Variants in AFF1 observed in about 807,000 individuals in gnomAD.
The protein encoded by AFF1 is AF4/FMR2 family member 1.
In AFF1, 48 loss-of-function variants were observed where a neutral mutation model predicts 121.7. That is an observed-to-expected ratio of 0.39 (90% CI 0.31 to 0.50). AFF1 has a LOEUF of 0.50. AFF1 is among the 20% of genes least tolerant of loss of function. The pLI is 0.76. For synonymous variants in AFF1, 613 were observed against 563.0 expected, an observed-to-expected ratio of 1.09 and a Z score of -1.26; for missense variants, 1,523 against 1,511.7, an observed-to-expected ratio of 1.01 and a Z score of -0.12.
chr4:87,054,278 G>A (rs1731539680), intron 4 of AFF1, among the ~76,000 whole-genome samples: 1 of 152,216 alleles, frequency 6.6e-6, no homozygotes, highest in South Asian at 2.1e-4. Flanking sequence ...AGCTACAGGG[G>A]CCCCTCCCAG....
intron 7 of AFF1, among the ~76,000 whole-genome samples, chr4:87,094,413 C>T (rs1246865604): frequency 2.6e-5 from 4 of 152,134 alleles, no homozygotes; most frequent in Admixed American, 1.3e-4. Context: ...ATGCCTTAAA[C>T]ATGTTGGTAT....
At chr4:87,131,434 G>T (rs920309258) in intron 17 of AFF1, among the ~76,000 whole-genome samples, 1 of 152,214 alleles carries the variant, frequency 6.6e-6, no homozygotes, top group Non-Finnish European at 1.5e-5. Flanking sequence ...TGCTAAGTGC[G>T]CCAAGAAGTG....
intron 4 of AFF1, among the ~76,000 whole-genome samples, chr4:87,082,995 G>A (rs1369188348): frequency 6.6e-6 from 1 of 152,184 alleles, no homozygotes; most frequent in East Asian, 1.9e-4. Flanking sequence ...CATAGCAGTG[G>A]CAGTAATGGG....
At chr4:87,132,507 G>C in intron 19 of AFF1, 99 bp downstream of exon 19, 2 of 1,262,176 alleles carry the variant, frequency 1.6e-6, no homozygotes, top group Non-Finnish European at 2.1e-6. Flanking sequence ...ATGTCACTTT[G>C]CCTTTTCAAA....
rs570895103 is a variant in AFF1, at chr4:87,038,087, A to G, written c.39-8079A>G. ...AATCCCCTGGGGGCTCTTCCAGGAA[A>G]ACAACTGACATCGTGCTGTTTTGTC... On this transcript the variant is annotated intron_variant, in intron 2 of 20. Coordinates refer to ENST00000395146, the MANE Select transcript of AFF1 (RefSeq NM_001166693.3). Among the ~76,000 whole-genome samples the G allele has an allele frequency of 2.4e-4, 36 of 152,358 alleles. No individual in the cohort carries two copies. The South Asian group carries it at 6.8e-3, about 29-fold the overall frequency.
chr4:87,015,639 A>G (rs1038717429), intron 2 of AFF1, among the ~76,000 whole-genome samples: 1 of 152,198 alleles, frequency 6.6e-6, no homozygotes, highest in South Asian at 2.1e-4. Context: ...TCTTACCCTT[A>G]GGGCAGGGAG....
Position 87,139,454 on chromosome 4 carries a change from A to C in AFF1, c.*3753A>C, listed in dbSNP as rs1729549084. ...ACAAAAAAACTTTTAAAACTTTGCCATTTCATCTGTTTACACTCTTTGCCA... is the reference window on the plus strand; with the variant it reads ...ACAAAAAAACTTTTAAAACTTTGCCCTTTCATCTGTTTACACTCTTTGCCA... On this transcript the variant is annotated 3_prime_UTR_variant, in exon 21 of 21. Coordinates refer to ENST00000395146, the MANE Select transcript of AFF1 (RefSeq NM_001166693.3). 4.3e-6 allele frequency: 1 copy of C among 232,638 alleles called. No homozygotes were observed. Among genetic ancestry groups the C allele is most frequent in the African/African-American group, 2.2e-5 (1 of 45,400 alleles). The allele number at this position is 232,638 out of a possible 1,614,324, so 14.4% of individuals were successfully genotyped here.
chr4:87,123,740 G>C (rs1727948040), intron 12 of AFF1, among the ~76,000 whole-genome samples: 1 of 152,112 alleles, frequency 6.6e-6, no homozygotes. Context: ...TGGTGTCTGG[G>C]CAGATTTGGA....
At chr4:87,102,101 ATTGT>A (rs1252205729) in intron 8 of AFF1, among the ~76,000 whole-genome samples, 2 of 152,242 alleles carry the variant, frequency 1.3e-5, no homozygotes, top group African/African-American at 4.8e-5. Context: ...GGTTTTGAGA[ATTGT>A]TTGTTACCTG....
intron 2 of AFF1, among the ~76,000 whole-genome samples, chr4:87,005,537 C>T (rs1478520449): frequency 6.6e-6 from 1 of 151,920 alleles, no homozygotes; most frequent in African/African-American, 2.4e-5. Context: ...CTGCCAGATA[C>T]CCAAGTCAGA....
intron 2 of AFF1, among the ~76,000 whole-genome samples, chr4:87,042,473 G>A (rs1730257958): frequency 6.6e-6 from 1 of 152,198 alleles, no homozygotes; most frequent in African/African-American, 2.4e-5. Context: ...CCACCCAAGA[G>A]GGAGTTGTTG....
chr4:87,013,938 T>A (rs989290410), intron 2 of AFF1, among the ~76,000 whole-genome samples: 2 of 151,998 alleles, frequency 1.3e-5, no homozygotes, highest in African/African-American at 4.8e-5. Context: ...CATGTGTGAG[T>A]GAGAGAGATC....
chr4:87,022,159 C>G (rs182664718), intron 2 of AFF1, among the ~76,000 whole-genome samples: 4 of 135,034 alleles, frequency 3.0e-5, no homozygotes, highest in East Asian at 4.5e-4. Context: ...GAGCCGAGAT[C>G]GTGCCACTGC....
intron 16 of AFF1, 81 bp downstream of exon 16, chr4:87,127,784 T>C: frequency 1.4e-6 from 2 of 1,389,202 alleles, no homozygotes; most frequent in Non-Finnish European, 1.0e-6. Context: ...TTCTGCTGTA[T>C]TCCATATCAC....
rs1728232488 is a variant in AFF1, at chr4:87,126,227, A to G, written c.2702A>G (p.Gln901Arg). 27 of 1,614,040 alleles carry G rather than the reference A, an allele frequency of 1.7e-5. No individual in the cohort carries two copies. The highest frequency in any genetic ancestry group is 2.2e-5 in the Non-Finnish European group (26 of 1,180,032). Reference sequence around the variant, plus strand: ...AGGCGGGAAGCAGACACCTGTGGCCAGGACCCTCCCAAAAGTGCCAGCAGT... The same window carrying G: ...AGGCGGGAAGCAGACACCTGTGGCCGGGACCCTCCCAAAAGTGCCAGCAGT... ...RSRREADTCGQDPPKSASSTK... is the reference protein window; with the variant it reads ...RSRREADTCGRDPPKSASSTK... Residue 901 changes from glutamine (Q) to arginine (R), a missense_variant, in exon 14 of 21, where the codon CAG becomes CGG. Transcript: ENST00000395146.
chr4:87,082,823 T>C (rs1191970018), intron 4 of AFF1, among the ~76,000 whole-genome samples: 1 of 152,192 alleles, frequency 6.6e-6, no homozygotes, highest in Non-Finnish European at 1.5e-5. Context: ...TGAATTGGAA[T>C]GAGGGAAATG....
At chr4:87,115,883 A>T (rs1727073565) in intron 12 of AFF1, among the ~76,000 whole-genome samples, 1 of 151,898 alleles carries the variant, frequency 6.6e-6, no homozygotes, top group Admixed American at 6.5e-5. Context: ...TCCCAAAGTG[A>T]TGGGATTACA....
chr4:87,124,664 T>C (rs1728041822), intron 12 of AFF1, among the ~76,000 whole-genome samples: 1 of 152,262 alleles, frequency 6.6e-6, no homozygotes, highest in Non-Finnish European at 1.5e-5. Context: ...ATCATCTCTG[T>C]ATTATTTGAT....
chr4:86,975,277 G>A (rs772181900), intron 2 of AFF1, among the ~76,000 whole-genome samples: 3 of 151,786 alleles, frequency 2.0e-5, no homozygotes, highest in African/African-American at 2.4e-5. Context: ...TTGAGATAGC[G>A]TCTCACTCTG....
Sources: allele counts gnomAD v4.1 joint callset (sites outside exome capture counted in the v4.1 genomes callset), GRCh38; gene constraint gnomAD v4.1.1; transcripts MANE v1.5; gene names NCBI Gene and HGNC (gene_info 2026-07-23, HGNC 2026-07-21).